Variants in HUWE1 observed in about 807,000 individuals in gnomAD.
HUWE1 encodes the protein HECT, UBA and WWE domain containing E3 ubiquitin protein ligase 1.
In HUWE1, 18 loss-of-function variants were observed where a neutral mutation model predicts 299.4. The ratio of observed to expected loss-of-function variants is 0.06; its 90% CI spans 0.04 to 0.09. The LOEUF is 0.09. Among genes scored for constraint, HUWE1 ranks in the 10% least tolerant of loss-of-function variants. The probability of loss-of-function intolerance (pLI) is 1.00; values close to 1 mark genes in which losing one functional copy is unlikely to be tolerated. For synonymous variants in HUWE1, 1,317 were observed against 1,286.1 expected (o/e 1.02, Z -0.51); for missense variants, 1,832 against 3,462.3 (o/e 0.53, Z 11.82).
intron 49 of HUWE1, among the ~76,000 whole-genome samples, chrX:53,566,133 GTATATATATATA>G (rs71830310): frequency 2.1e-4 from 8 of 38,989 alleles, no homozygotes; most frequent in African/African-American, 2.9e-4. Context: ...GTGTGTGTGT[GTATATATATATA>G]TATATATATA....
In HUWE1 at chrX:53,577,085, AG is replaced by A. The variant is rs2063139366; in HGVS notation, c.5717-19del. On this transcript the variant is annotated intron_variant, in intron 43 of 83. Coordinates refer to ENST00000262854, the MANE Select transcript of HUWE1 (RefSeq NM_031407.7). ...ATCTGAAGCTAAGCCAAAATGAGAG[AG>A]AAAAACCAGTCAATCATGAAGCAGT... The A allele has an allele frequency of 8.6e-7, 1 of 1,156,201 alleles. No homozygotes were observed. Among genetic ancestry groups the A allele is most frequent in the South Asian group, 1.8e-5 (1 of 55,500 alleles).
rs908376451 is a variant in HUWE1 at position 53,563,312 on chromosome X, G to C, written c.7106-383C>G. On this transcript the variant is annotated intron_variant, in intron 52 of 83. Transcript: ENST00000262854. ...ACACCCTCAGAGCCAGGTGACAGTAGGGTACCTTTGCCATTTTCCCTCTGA... is the reference window on the plus strand; with the variant it reads ...ACACCCTCAGAGCCAGGTGACAGTACGGTACCTTTGCCATTTTCCCTCTGA... 4.5e-5 allele frequency among the ~76,000 whole-genome samples: 5 copies of C among 111,909 alleles called. No individual in the cohort carries two copies. The Admixed American group carries it at 4.7e-4, about 11-fold the overall frequency.
chrX:53,535,363 G>A (rs1217379460), intron 81 of HUWE1, 21 bp downstream of exon 81: 2 of 996,512 alleles, frequency 2.0e-6, no homozygotes, highest in African/African-American at 1.9e-5. Flanking sequence ...GCAACTAGAG[G>A]TCTAGGAACA....
At chrX:53,602,728 GTA>G in intron 27 of HUWE1, 70 bp from the exon 28 acceptor site, 1 of 575,802 alleles carries the variant, frequency 1.7e-6, no homozygotes, top group Non-Finnish European at 2.8e-6. Flanking sequence ...CTCTTATATT[GTA>G]AATGGTCTCT....
Position 53,547,967 on chromosome X carries a change from G to C in HUWE1, c.10342C>G (p.Leu3448Val). Residue 3448 changes from leucine (L) to valine (V), a missense_variant, in exon 68 of 84, where the codon CTC becomes GTC. Physicochemically the swap from Leu to Val is conservative, Grantham distance 32 (BLOSUM62 1). This residue lies in a region of HUWE1 where 119 missense variants were observed against 124.6 expected (regional missense o/e 0.96). Transcript: ENST00000262854. ...LSHPVIRRSS[L>V]LTEKLLRLLS... Reference sequence around the variant, plus strand: ...AGTCTGAGGAGTTTCTCAGTTAAGAGAGAGCTCCGGCGGATGACTGGGTGT... The same window carrying C: ...AGTCTGAGGAGTTTCTCAGTTAAGACAGAGCTCCGGCGGATGACTGGGTGT... 8.3e-7 allele frequency: 1 copy of C among 1,211,208 alleles called. No individual in the cohort carries two copies. Among genetic ancestry groups the C allele is most frequent in the Middle Eastern group, 2.3e-4 (1 of 4,349 alleles).
At position 53,617,329 on chromosome X, in the gene HUWE1, A is replaced by C; in HGVS notation, c.1779+11T>G. The C allele has an allele frequency of 8.9e-7, 1 of 1,120,884 alleles. No homozygotes were observed. The highest frequency in any genetic ancestry group is 1.2e-6 in the Non-Finnish European group (1 of 816,340). 92.4% of individuals were successfully genotyped at this position (1,120,884 alleles called of 1,213,427 possible). ...TAAGACATTCTTTACAGAGTAGCAGAAAAGACTTACATCTTTGATAAGCAG... is the reference window on the plus strand; with the variant it reads ...TAAGACATTCTTTACAGAGTAGCAGCAAAGACTTACATCTTTGATAAGCAG... On this transcript the variant is annotated intron_variant, in intron 20 of 83. Transcript: ENST00000262854.
At chrX:53,684,150 A>C in intron 2 of HUWE1, 7 of 223,484 alleles carry the variant, frequency 3.1e-5, no homozygotes, top group Admixed American at 7.1e-5. Context: ...GCACAACCTA[A>C]CGAAGCAGTG....
intron 80 of HUWE1, 31 bp downstream of exon 80, chrX:53,536,116 G>T: frequency 1.1e-6 from 1 of 936,937 alleles, no homozygotes; most frequent in Non-Finnish European, 1.5e-6. Flanking sequence ...GATTGGCTGG[G>T]ATGTGCTGTG....
chrX:53,568,793 C>G lies in HUWE1; in HGVS notation c.6606G>C (p.Ala2202=). ...TGTTCATGCCATTGTGCTGGGTCTT[C>G]GCTGTGGCACTGCTGTAGAAGCTGG... ...STSSFYSSAT[A]KTQHNGMNNI... The change falls in exon 49 of 84, where the codon GCG becomes GCC. Residue 2202 remains alanine, a synonymous_variant. Coordinates refer to ENST00000262854, the MANE Select transcript of HUWE1 (RefSeq NM_031407.7). The G allele has an allele frequency of 8.3e-7, 1 of 1,209,416 alleles. No homozygotes were observed. Among genetic ancestry groups the G allele is most frequent in the Non-Finnish European group, 1.1e-6 (1 of 894,036 alleles).
chrX:53,550,756 C>T lies in HUWE1; in HGVS notation c.9398G>A (p.Arg3133His), dbSNP rs782521336. ...AILRSPAFTS[R>H]LSGNRGVQYT... ...CTGGACCCCACGGTTGCCACTTAAGCGACTGGTGAAAGCTGGAAGGAAAGA... is the reference window on the plus strand; with the variant it reads ...CTGGACCCCACGGTTGCCACTTAAGTGACTGGTGAAAGCTGGAAGGAAAGA... Residue 3133 changes from arginine to histidine, a missense_variant, in exon 66 of 84, where the codon CGC becomes CAC. Coordinates refer to ENST00000262854, the MANE Select transcript of HUWE1 (RefSeq NM_031407.7). 2.5e-6 allele frequency: 3 copies of T among 1,211,109 alleles called. No homozygotes were observed. The highest frequency in any genetic ancestry group is 4.3e-5 in the Admixed American group (2 of 46,041).
rs1556959318 is a variant in HUWE1 at position 53,576,930 on chromosome X, C to A, written c.5854G>T (p.Ala1952Ser). The change falls in exon 44 of 84, where the codon GCT becomes TCT. Residue 1952 changes from alanine to serine, a missense_variant. By Grantham distance (99) the Ala-to-Ser change is moderately conservative. This residue lies in a region of HUWE1 where 157 missense variants were observed against 252.3 expected (regional missense o/e 0.62). Coordinates refer to ENST00000262854, the MANE Select transcript of HUWE1 (RefSeq NM_031407.7). The part of the protein sequence containing the change: ...IKEVIYDMLN[A>S]LAAYHAPEEA... ...TCTGGAGCATGGTATGCAGCCAGAG[C>A]ATTCAGCATATCATAGATCACTTCC... 1 of 1,210,653 alleles carries A rather than the reference C, an allele frequency of 8.3e-7. No homozygotes were observed. The highest frequency in any genetic ancestry group is 1.8e-5 in the South Asian group (1 of 56,910).
At chrX:53,533,898 C>G in intron 83 of HUWE1, 109 bp downstream of exon 83, 1 of 754,377 alleles carries the variant, frequency 1.3e-6, no homozygotes, top group Non-Finnish European at 2.1e-6. Context: ...TACCCAAGGT[C>G]CAGGACTCAG....
chrX:53,671,771 G>A (rs1264013086), intron 3 of HUWE1, among the ~76,000 whole-genome samples: 5 of 92,863 alleles, frequency 5.4e-5, no homozygotes, highest in African/African-American at 2.0e-4. Context: ...TCCGACCTGG[G>A]CGACAGCGAG....
Position 53,607,506 on chromosome X carries a change from G to T in HUWE1, c.2496+17C>A. On this transcript the variant is annotated intron_variant, in intron 25 of 83. Transcript: ENST00000262854. ...TTTCCAGAAAGAAATGAAAACATTT[G>T]GCCAGATGCTTCTTACCAATATGGA... is the stretch of plus-strand genomic sequence containing the variant. 2.5e-6 allele frequency: 3 copies of T among 1,202,037 alleles called. No individual in the cohort carries two copies. Among genetic ancestry groups the T allele is most frequent in the Non-Finnish European group, 3.4e-6 (3 of 887,012 alleles).
intron 19 of HUWE1, among the ~76,000 whole-genome samples, chrX:53,618,565 CTTTTTTTTT>C (rs1158947305): frequency 6.8e-5 from 6 of 88,885 alleles, no homozygotes; most frequent in Admixed American, 1.2e-4. Context: ...TAAGAATTTT[CTTTTTTTTT>C]TTTTTTTTTA....
chrX:53,577,435 C>A (rs2063162077), intron 43 of HUWE1, among the ~76,000 whole-genome samples: 1 of 100,110 alleles, frequency 1.0e-5, no homozygotes. Flanking sequence ...AAAATAATTT[C>A]ATCCCCTTCC....
chrX:53,674,982 C>T (rs1430603404), intron 3 of HUWE1, among the ~76,000 whole-genome samples: 1 of 111,859 alleles, frequency 8.9e-6, no homozygotes, highest in Non-Finnish European at 1.9e-5. Flanking sequence ...AATACATCAT[C>T]TCGCTTTAAT....
intron 4 of HUWE1, among the ~76,000 whole-genome samples, chrX:53,649,389 T>C (rs782292480): frequency 1.4e-4 from 16 of 112,104 alleles, no homozygotes; most frequent in African/African-American, 5.2e-4. Flanking sequence ...CATCCTCTTC[T>C]GCAAAATAAA....
chrX:53,624,307 A>G (rs2066342028), intron 19 of HUWE1, among the ~76,000 whole-genome samples: 1 of 111,773 alleles, frequency 8.9e-6, no homozygotes, highest in South Asian at 3.7e-4. Flanking sequence ...ATATCCTTGC[A>G]GGATTTTACT....
Sources: allele counts gnomAD v4.1 joint callset (sites outside exome capture counted in the v4.1 genomes callset), GRCh38; gene constraint gnomAD v4.1.1; regional missense constraint gnomAD v4.1.1; transcripts MANE v1.5; gene names NCBI Gene and HGNC (gene_info 2026-07-23, HGNC 2026-07-21).